Variants in JPH3 observed in about 807,000 individuals in gnomAD.
The protein encoded by JPH3 is junctophilin-3.
A neutral mutation model predicts 59.6 loss-of-function variants in JPH3; 11 were observed. The observed-to-expected ratio is 0.18, with a 90% CI of 0.12 to 0.31. The LOEUF (loss-of-function observed/expected upper bound fraction) is 0.31. JPH3 is among the 10% of genes least tolerant of loss of function. The pLI, the probability that JPH3 is intolerant of heterozygous loss-of-function variation, is 1.00. For missense variants in JPH3, 1,202 were observed against 1,105.7 expected (o/e 1.09, Z -1.24); for synonymous variants, 673 against 483.6 (o/e 1.39, Z -5.14).
chr16:87,681,184 G>C (rs1323754584), intron 2 of JPH3, among the ~76,000 whole-genome samples: 1 of 128,656 alleles, frequency 7.8e-6, no homozygotes, highest in Non-Finnish European at 1.6e-5. Context: ...TGACAGTTCC[G>C]GGAGGTCAGG....
intron 1 of JPH3, among the ~76,000 whole-genome samples, chr16:87,629,928 ACT>A (rs2031511182): frequency 1.3e-5 from 2 of 152,024 alleles, no homozygotes; most frequent in South Asian, 2.1e-4. Flanking sequence ...GTATATGGGA[ACT>A]CTCTGTACTT....
Position 87,604,560 on chromosome 16 carries a change from G to T in JPH3, c.382+1032G>T. 2.4e-6 allele frequency: 3 copies of T among 1,247,578 alleles called. No homozygotes were observed. The South Asian group carries it at 4.6e-5, about 19-fold the overall frequency. The allele number at this position is 1,247,578 out of a possible 1,614,324, so 77.3% of individuals were successfully genotyped here. On this transcript the variant is annotated intron_variant, in intron 1 of 4. Transcript: ENST00000284262. ...GGGCGGCTCGCCTGTTTCAGGCATG[G>T]ATGCCTGGGAAGGGAGTGAGACGCA...
chr16:87,619,661 C>T (rs1415991531), intron 1 of JPH3, among the ~76,000 whole-genome samples: 1 of 152,192 alleles, frequency 6.6e-6, no homozygotes, highest in African/African-American at 2.4e-5. Flanking sequence ...CGGCTGCAGG[C>T]AGAGGGAGGA....
At position 87,622,314 on chromosome 16, in the gene JPH3, T is replaced by C. The variant is rs2031214449; in HGVS notation, c.382+18786T>C. Among the ~76,000 whole-genome samples, 8 of 152,272 alleles carry C rather than the reference T, an allele frequency of 5.3e-5. No individual in the cohort carries two copies. The South Asian group carries it at 1.7e-3, about 32-fold the overall frequency. ...TTCCTCCTCTCCTCCTGGGCTTGGG[T>C]CTGAGGTCAGCTTCCCAGGGGGCAC... On this transcript the variant is annotated intron_variant, in intron 1 of 4. Transcript: ENST00000284262.
intron 1 of JPH3, among the ~76,000 whole-genome samples, chr16:87,621,408 G>A (rs545181386): frequency 1.3e-5 from 2 of 152,232 alleles, no homozygotes; most frequent in South Asian, 2.1e-4. Flanking sequence ...GCTTCAGGGT[G>A]GTCTGGGCCT....
intron 2 of JPH3, 78 bp from the exon 3 acceptor site, chr16:87,684,064 G>A: frequency 4.7e-6 from 5 of 1,061,870 alleles, no homozygotes; most frequent in South Asian, 1.3e-5. Context: ...TTGTTGGGGG[G>A]TTGGCAGAGT....
At chr16:87,636,938 C>T (rs2031770174) in intron 1 of JPH3, among the ~76,000 whole-genome samples, 2 of 152,158 alleles carry the variant, frequency 1.3e-5, no homozygotes, top group Admixed American at 1.3e-4. Flanking sequence ...GGCCTGGACG[C>T]GGCTGCCTGG....
intron 1 of JPH3, among the ~76,000 whole-genome samples, chr16:87,640,757 T>G (rs2031922524): frequency 6.6e-6 from 1 of 152,198 alleles, no homozygotes; most frequent in South Asian, 2.1e-4. Flanking sequence ...GATGTGTTGT[T>G]CATCTGAAAC....
At chr16:87,636,483 G>T (rs2031752428) in intron 1 of JPH3, among the ~76,000 whole-genome samples, 1 of 152,192 alleles carries the variant, frequency 6.6e-6, no homozygotes, top group Non-Finnish European at 1.5e-5. Flanking sequence ...GCGAGGGAGA[G>T]GAGCAACTGC....
At chr16:87,631,787 A>T in intron 1 of JPH3, among the ~76,000 whole-genome samples, 1 of 151,196 alleles carries the variant, frequency 6.6e-6, no homozygotes, top group Non-Finnish European at 1.5e-5. Context: ...TTTCTGAAAG[A>T]TTTTCTTGAT....
Position 87,602,602 on chromosome 16 carries a change from C to T in JPH3, c.-545C>T, listed in dbSNP as rs1338285054. ...ATTGCTGCTGCTGCTGCCGCCGCCG[C>T]CCCGCGCCCGGCCCGCGGCCCCCAA... is the stretch of plus-strand genomic sequence containing the variant. On this transcript the variant is annotated 5_prime_UTR_variant, in exon 1 of 5. Coordinates refer to ENST00000284262, the MANE Select transcript of JPH3 (RefSeq NM_020655.4). Among the ~76,000 whole-genome samples, 2 of 142,642 alleles carry T rather than the reference C, an allele frequency of 1.4e-5. No homozygotes were observed. Among genetic ancestry groups the T allele is most frequent in the East Asian group, 4.2e-4 (2 of 4,726 alleles). The allele number at this position is 142,642 out of a possible 152,430, so 93.6% of individuals were successfully genotyped here.
At chr16:87,696,373 G>C (rs928850392) in intron 4 of JPH3, 2 of 595,336 alleles carry the variant, frequency 3.4e-6, no homozygotes, top group Non-Finnish European at 6.0e-6. Context: ...CAGACGTACA[G>C]GCAGCTGGGG....
intron 1 of JPH3, among the ~76,000 whole-genome samples, chr16:87,639,770 C>G (rs2031882676): frequency 6.6e-6 from 1 of 152,218 alleles, no homozygotes; most frequent in Non-Finnish European, 1.5e-5. Flanking sequence ...CAGGATTTGT[C>G]CCTTCCAGCC....
intron 2 of JPH3, among the ~76,000 whole-genome samples, chr16:87,661,285 T>TC (rs2032694887): frequency 2.0e-5 from 3 of 152,214 alleles, no homozygotes; most frequent in Admixed American, 6.5e-5. Context: ...CATCTCTCTC[T>TC]TTCCTGATCC....
Position 87,645,470 on chromosome 16 carries a change from C to T in JPH3, c.1160+435C>T, listed in dbSNP as rs1705000682. Among the ~76,000 whole-genome samples, 4 of 152,308 alleles carry T rather than the reference C, an allele frequency of 2.6e-5. No individual in the cohort carries two copies. In the South Asian group the frequency reaches 6.2e-4, roughly 24 times the overall value. ...TGTGGGAGGTGGCTAGGAGCTGCCT[C>T]AGCTACCCAGACCTGCGATCTAGAT... is the stretch of plus-strand genomic sequence containing the variant. On this transcript the variant is annotated intron_variant, in intron 2 of 4. Transcript: ENST00000284262.
At chr16:87,650,553 A>G (rs1191211205) in intron 2 of JPH3, among the ~76,000 whole-genome samples, 1 of 152,388 alleles carries the variant, frequency 6.6e-6, no homozygotes, top group East Asian at 1.9e-4. Flanking sequence ...AAAAGCCGAG[A>G]CAGGCCTCAT....
At chr16:87,606,573 T>C (rs1257220514) in intron 1 of JPH3, among the ~76,000 whole-genome samples, 1 of 152,196 alleles carries the variant, frequency 6.6e-6, no homozygotes, top group Non-Finnish European at 1.5e-5. Context: ...TGCCCTGTTT[T>C]GTGACCCTGG....
intron 1 of JPH3, chr16:87,604,099 GC>G: frequency 1.5e-6 from 2 of 1,309,240 alleles, no homozygotes; most frequent in East Asian, 8.9e-5. Context: ...GTGGTTGGAC[GC>G]GGACTAGCGC....
intron 2 of JPH3, among the ~76,000 whole-genome samples, chr16:87,677,779 C>T (rs1226428851): frequency 6.6e-6 from 1 of 152,218 alleles, no homozygotes; most frequent in Non-Finnish European, 1.5e-5. Flanking sequence ...GAACACCCAC[C>T]TACGAGTGTG....
Sources: gnomAD v4.1 joint callset for allele counts (sites outside exome capture counted in the v4.1 genomes callset) on GRCh38, gnomAD v4.1.1 for gene constraint, MANE v1.5 for transcripts, NCBI Gene and HGNC (gene_info 2026-07-23, HGNC 2026-07-21) for gene names.